CTBP2: variants seen among roughly 807,000 people sequenced by gnomAD.
The protein encoded by CTBP2 is C-terminal binding protein 2.
CTBP2 carries 30 observed loss-of-function variants against 80.3 expected under a neutral mutation model. That is an observed-to-expected ratio of 0.37 (90% CI 0.28 to 0.51). CTBP2 has a LOEUF of 0.51. Among genes scored for constraint, CTBP2 ranks in the 20% least tolerant of loss-of-function variants. The probability of loss-of-function intolerance (pLI) is 0.93; values close to 1 mark genes in which losing one functional copy is unlikely to be tolerated. For missense variants in CTBP2, 1,212 were observed against 1,375.3 expected, an observed-to-expected ratio of 0.88 and a Z score of 1.88; for synonymous variants, 594 against 587.4, an observed-to-expected ratio of 1.01 and a Z score of -0.16.
chr10:125,059,409 C>T (rs980811477), intron 2 of CTBP2, among the ~76,000 whole-genome samples: 4 of 151,966 alleles, frequency 2.6e-5, no homozygotes, highest in East Asian at 3.9e-4. Flanking sequence ...AGCAAAACCC[C>T]GTCTCTACTT....
At chr10:125,002,850 C>T in intron 3 of CTBP2, 110 bp downstream of exon 5, 1 of 1,381,030 alleles carries the variant, frequency 7.2e-7, no homozygotes, top group Non-Finnish European at 9.9e-7. Context: ...TTGCTACAGC[C>T]AGAAGCGGCT....
chr10:125,124,287 G>A (rs1171397182), intron 1 of CTBP2, among the ~76,000 whole-genome samples: 2 of 152,132 alleles, frequency 1.3e-5, no homozygotes, highest in Admixed American at 1.3e-4. Context: ...CTCCCCTGCT[G>A]CCTCCCTTTT....
intron 2 of CTBP2, among the ~76,000 whole-genome samples, chr10:125,096,343 G>C (rs569142739): frequency 6.6e-6 from 1 of 152,242 alleles, no homozygotes; most frequent in East Asian, 1.9e-4. Flanking sequence ...ATGTCTCCAA[G>C]TTATGAAAAG....
chr10:125,021,557 C>A (rs1957038694), intron 1 of CTBP2, among the ~76,000 whole-genome samples: 1 of 150,926 alleles, frequency 6.6e-6, no homozygotes, highest in Non-Finnish European at 1.5e-5. Flanking sequence ...TAAGGGGGCA[C>A]AACCAAGATG....
At chr10:125,038,690 C>T (rs1180690125) in intron 3 of CTBP2, among the ~76,000 whole-genome samples, 1 of 152,134 alleles carries the variant, frequency 6.6e-6, no homozygotes, top group Non-Finnish European at 1.5e-5. Flanking sequence ...AAAGATGGTC[C>T]TAATCAACAC....
At chr10:125,037,229 C>A (rs771111839) in intron 3 of CTBP2, among the ~76,000 whole-genome samples, 108 of 152,174 alleles carry the variant, frequency 7.1e-4, no homozygotes, top group Non-Finnish European at 1.2e-3. Context: ...AGAGGGTCTG[C>A]AAGCAGACAA....
At chr10:125,154,751 G>T (rs1451292278) in intron 1 of CTBP2, among the ~76,000 whole-genome samples, 1 of 152,194 alleles carries the variant, frequency 6.6e-6, no homozygotes, top group Non-Finnish European at 1.5e-5. Flanking sequence ...GAGGGGCCAG[G>T]AATGCACCTC....
At chr10:125,000,439 C>T (rs1338730310) in intron 3 of CTBP2, 1 of 152,244 alleles carries the variant, frequency 6.6e-6, no homozygotes, top group Non-Finnish European at 1.5e-5. Flanking sequence ...AGGCAAGCTG[C>T]TTTTCTCTCA....
At chr10:125,084,972 C>T (rs988473783) in intron 2 of CTBP2, among the ~76,000 whole-genome samples, 2 of 152,218 alleles carry the variant, frequency 1.3e-5, no homozygotes, top group Non-Finnish European at 2.9e-5. Flanking sequence ...TTTCCCCCAG[C>T]TCTAGGCAAA....
intron 2 of CTBP2, among the ~76,000 whole-genome samples, chr10:125,046,870 A>C (rs562084917): frequency 1.3e-5 from 2 of 152,360 alleles, no homozygotes; most frequent in East Asian, 3.9e-4. Context: ...TTGTTAGCAC[A>C]CGAAAATACA....
At position 124,984,457 on chromosome 10, in the gene CTBP2, G is replaced by C. The variant is rs1181471050; in HGVS notation, c.*5061C>G. On this transcript the variant is annotated 3_prime_UTR_variant, in exon 9 of 9. Transcript: ENST00000309035. ...ATAATTGACTAAGTAAACTTACCTT[G>C]TCATGTGTTTGAAGCTGTGGCTTGC... is the stretch of plus-strand genomic sequence containing the variant. The C allele has an allele frequency of 1.8e-5, 5 of 273,316 alleles. No homozygotes were observed. The highest frequency in any genetic ancestry group is 2.2e-5 in the African/African-American group (1 of 45,496). 16.9% of individuals were successfully genotyped at this position (273,316 alleles called of 1,614,324 possible).
intron 1 of CTBP2, among the ~76,000 whole-genome samples, chr10:125,124,496 G>A (rs961062986): frequency 1.3e-5 from 2 of 152,114 alleles, no homozygotes; most frequent in African/African-American, 4.8e-5. Flanking sequence ...TGTGCCACTA[G>A]GTACACGTGT....
chr10:125,007,258 C>A (rs376865818), intron 1 of CTBP2, among the ~76,000 whole-genome samples: 3 of 152,252 alleles, frequency 2.0e-5, no homozygotes, highest in Non-Finnish European at 4.4e-5. Flanking sequence ...GTATCAATTA[C>A]TATCTGGTTT....
chr10:125,077,185 C>T (rs1042312128), intron 2 of CTBP2, among the ~76,000 whole-genome samples: 1 of 152,168 alleles, frequency 6.6e-6, no homozygotes, highest in Non-Finnish European at 1.5e-5. Context: ...ACCGCTACCA[C>T]CAAAATGTCG....
chr10:125,028,572 C>A (rs1345096266), upstream of CTBP2, among the ~76,000 whole-genome samples: 1 of 152,232 alleles, frequency 6.6e-6, no homozygotes, highest in Non-Finnish European at 1.5e-5. Flanking sequence ...GGTTTCCGAG[C>A]TCAAGCCCAA....
chr10:125,079,933 T>A (rs1012677626), intron 2 of CTBP2, among the ~76,000 whole-genome samples: 31 of 152,234 alleles, frequency 2.0e-4, no homozygotes, highest in Admixed American at 1.3e-4. Flanking sequence ...GGATTCTGAA[T>A]GTTTTCTGCA....
At chr10:125,034,130 T>C (rs1024259352) in intron 3 of CTBP2, among the ~76,000 whole-genome samples, 3 of 152,196 alleles carry the variant, frequency 2.0e-5, no homozygotes, top group African/African-American at 7.2e-5. Context: ...GAGACGCTTA[T>C]GTTTGTGCTT....
chr10:125,101,116 AAC>A (rs1335476462), intron 2 of CTBP2, among the ~76,000 whole-genome samples: 1 of 152,248 alleles, frequency 6.6e-6, no homozygotes, highest in Non-Finnish European at 1.5e-5. Flanking sequence ...GTGAAATTCA[AAC>A]AGTCTGAATT....
chr10:125,119,345 T>A (rs1255883394), intron 1 of CTBP2, among the ~76,000 whole-genome samples: 1 of 152,154 alleles, frequency 6.6e-6, no homozygotes, highest in African/African-American at 2.4e-5. Context: ...TGGGCATCTT[T>A]TCTGTAAACT....
Sources: gnomAD v4.1 joint callset for allele counts (sites outside exome capture counted in the v4.1 genomes callset) on GRCh38, gnomAD v4.1.1 for gene constraint, MANE v1.5 for transcripts, NCBI Gene and HGNC (gene_info 2026-07-23, HGNC 2026-07-21) for gene names.